The following MUCL1 variants were observed in gnomAD, a reference collection of about 807,000 sequenced individuals.
MUCL1 encodes the protein mucin like 1, also known as mucin-like protein 1.
Under a neutral mutation model 9.2 loss-of-function variants are expected in MUCL1, and 11 were observed. The ratio of observed to expected loss-of-function variants is 1.19; its 90% CI spans 0.75 to 1.97. The LOEUF (loss-of-function observed/expected upper bound fraction) is 1.97, where lower values mean the gene tolerates loss of function less well. Among genes scored for constraint, MUCL1 ranks in the 30% most tolerant of loss-of-function variants. MUCL1 has a pLI of 0.00. For missense variants in MUCL1, 144 were observed against 110.9 expected (o/e 1.30, Z -1.34); for synonymous variants, 48 against 40.5 (o/e 1.19, Z -0.71).
chr12:54,845,580 T>C (rs896219409), intron 1 of MUCL1, among the ~76,000 whole-genome samples: 1 of 152,190 alleles, frequency 6.6e-6, no homozygotes, highest in Admixed American at 6.5e-5. Context: ...GGTTGACTTT[T>C]TTGTTCCAGC....
chr12:54,851,468 C>A (rs982231223), upstream of MUCL1, among the ~76,000 whole-genome samples: 1 of 152,124 alleles, frequency 6.6e-6, no homozygotes, highest in African/African-American at 2.4e-5. Flanking sequence ...ACCCTTCGTG[C>A]TAAAAACTCT....
chr12:54,834,004 T>C (rs1482630718), intron 1 of MUCL1, among the ~76,000 whole-genome samples: 1 of 152,140 alleles, frequency 6.6e-6, no homozygotes, highest in Non-Finnish European at 1.5e-5. Flanking sequence ...CGTTTGTTAA[T>C]TACATGCATT....
At chr12:54,849,153 TG>T (rs1015201276) in intron 1 of MUCL1, among the ~76,000 whole-genome samples, 6 of 152,174 alleles carry the variant, frequency 3.9e-5, no homozygotes, top group Non-Finnish European at 7.4e-5. Context: ...AAGGCCATTT[TG>T]TACAGCATTT....
In MUCL1 at chr12:54,858,340, C is replaced by G; in HGVS notation, c.*98C>G. 2 of 1,367,598 alleles carry G rather than the reference C, an allele frequency of 1.5e-6. No homozygotes were observed. The highest frequency in any genetic ancestry group is 4.6e-5 in the East Asian group (2 of 43,562). 84.7% of individuals were successfully genotyped at this position (1,367,598 alleles called of 1,614,324 possible). On this transcript the variant is annotated 3_prime_UTR_variant, in exon 4 of 4. Coordinates refer to ENST00000308796, the MANE Select transcript of MUCL1 (RefSeq NM_058173.3). ...ACCTTGCCTACGATATCCCCTTTAT[C>G]TCTAATCAGTTTATTTTCTTTCAAA... is the stretch of plus-strand genomic sequence containing the variant.
At chr12:54,841,659 C>G (rs544168714) in intron 1 of MUCL1, among the ~76,000 whole-genome samples, 153 of 152,270 alleles carry the variant, frequency 1.0e-3, no homozygotes, top group African/African-American at 3.6e-3. Flanking sequence ...AATGTCTATT[C>G]AGATTCTTTG....
At chr12:54,845,525 T>A (rs747383156) in intron 1 of MUCL1, among the ~76,000 whole-genome samples, 1 of 152,258 alleles carries the variant, frequency 6.6e-6, no homozygotes, top group South Asian at 2.1e-4. Context: ...CTTCACTTCA[T>A]AATTTGGTCC....
upstream of MUCL1, chr12:54,839,261 C>T (rs67598707): frequency 0.044 from 28,924 of 658,928 alleles, 812 homozygotes; most frequent in Middle Eastern, 0.1. Flanking sequence ...GTACAATATG[C>T]TTGGTGTGTG....
Position 54,855,914 on chromosome 12 carries a change from T to C in MUCL1, c.100+757T>C, listed in dbSNP as rs144087816. Among the ~76,000 whole-genome samples the C allele has an allele frequency of 1.4e-4, 22 of 152,306 alleles. No individual in the cohort carries two copies. In the East Asian group the frequency reaches 4.2e-3, roughly 29 times the overall value. ...GGCCCCATTTAAAAAATATTTTCTCTCTTAAATAAAGCCTGAGACAGCATG... is the reference window on the plus strand; with the variant it reads ...GGCCCCATTTAAAAAATATTTTCTCCCTTAAATAAAGCCTGAGACAGCATG... On this transcript the variant is annotated intron_variant, in intron 2 of 3. Coordinates refer to ENST00000308796, the MANE Select transcript of MUCL1 (RefSeq NM_058173.3).
chr12:54,852,432 G>T (rs757621641), upstream of MUCL1, among the ~76,000 whole-genome samples: 2 of 152,178 alleles, frequency 1.3e-5, no homozygotes, highest in South Asian at 2.1e-4. Context: ...AATAAATGGT[G>T]CTGGGAAATC....
upstream of MUCL1, chr12:54,839,324 G>A (rs1476723189): frequency 2.1e-5 from 15 of 698,580 alleles, no homozygotes; most frequent in Admixed American, 2.8e-4. Flanking sequence ...TCATTCTCCA[G>A]TGGCACACAC....
Position 54,856,824 on chromosome 12 carries a change from C to A in MUCL1, c.155C>A (p.Thr52Asn), listed in dbSNP as rs1868303570. The change falls in exon 3 of 4, where the codon ACT (threonine) becomes AAT (asparagine). Residue 52 changes from threonine to asparagine, a missense_variant. Thr to Asn is a moderately conservative substitution (Grantham distance 65). Coordinates refer to ENST00000308796, the MANE Select transcript of MUCL1 (RefSeq NM_058173.3). The part of the protein sequence containing the change: ...PDAETTAAAT[T>N]ATTAAPTTAT... ...GCTGAAACCACTGCTGCTGCAACCA[C>A]TGCAACCACTGCTGCTCCTACCACT... is the stretch of plus-strand genomic sequence containing the variant. The A allele has an allele frequency of 6.2e-7, 1 of 1,612,050 alleles. No individual in the cohort carries two copies. The highest frequency in any genetic ancestry group is 8.5e-7 in the Non-Finnish European group (1 of 1,178,576).
intron 1 of MUCL1, among the ~76,000 whole-genome samples, chr12:54,848,053 C>T (rs1318562021): frequency 7.0e-6 from 1 of 143,464 alleles, no homozygotes; most frequent in Non-Finnish European, 1.5e-5. Context: ...TTAATAAATG[C>T]AGTATCTGAA....
upstream of MUCL1, among the ~76,000 whole-genome samples, chr12:54,838,105 A>C (rs1362253803): frequency 6.6e-6 from 1 of 152,146 alleles, no homozygotes; most frequent in Non-Finnish European, 1.5e-5. Context: ...TCCTTTTAGC[A>C]TTTCTTGTAG....
At chr12:54,849,320 A>G (rs894382408) in intron 1 of MUCL1, among the ~76,000 whole-genome samples, 1 of 152,158 alleles carries the variant, frequency 6.6e-6, no homozygotes, top group Non-Finnish European at 1.5e-5. Context: ...GTAGGAATAA[A>G]TAACTACATA....
At chr12:54,847,319 C>T (rs1959270990) in intron 1 of MUCL1, among the ~76,000 whole-genome samples, 1 of 152,138 alleles carries the variant, frequency 6.6e-6, no homozygotes. Context: ...AACTGACAAG[C>T]AAAGAGCAAA....
intron 1 of MUCL1, among the ~76,000 whole-genome samples, chr12:54,840,770 C>T (rs934167612): frequency 6.6e-6 from 1 of 152,142 alleles, no homozygotes; most frequent in South Asian, 2.1e-4. Context: ...GCTGCCTCTG[C>T]CACACAAAAG....
At position 54,856,791 on chromosome 12, in the gene MUCL1, C is replaced by G. The variant is rs1396771585; in HGVS notation, c.122C>G (p.Ala41Gly). ...TCAGCTGGTCCTGCTGATGATGAAG[C>G]CCCTGATGCTGAAACCACTGCTGCT... ...YPATGPADDE[A>G]PDAETTAAAT... Residue 41 changes from alanine (A) to glycine (G), a missense_variant, in exon 3 of 4, where the codon GCC (alanine) becomes GGC (glycine). Physicochemically the swap from Ala to Gly is moderately conservative, Grantham distance 60. Transcript: ENST00000308796. The G allele has an allele frequency of 1.5e-5, 24 of 1,612,898 alleles. No individual in the cohort carries two copies. Among genetic ancestry groups the G allele is most frequent in the Admixed American group, 1.0e-4 (6 of 59,768 alleles).
chr12:54,853,843 TG>T (rs1868276365), upstream of MUCL1, among the ~76,000 whole-genome samples: 1 of 152,246 alleles, frequency 6.6e-6, no homozygotes, highest in African/African-American at 2.4e-5. Context: ...GCTCAATGAA[TG>T]TTTTTTGAAT....
chr12:54,838,523 T>A (rs957131932), upstream of MUCL1, among the ~76,000 whole-genome samples: 2 of 152,242 alleles, frequency 1.3e-5, no homozygotes, highest in Non-Finnish European at 2.9e-5. Context: ...CAAATAAGTT[T>A]TTGAAACTTT....
Sources: allele counts gnomAD v4.1 joint callset (sites outside exome capture counted in the v4.1 genomes callset), GRCh38; gene constraint gnomAD v4.1.1; transcripts MANE v1.5; gene names NCBI Gene and HGNC (gene_info 2026-07-23, HGNC 2026-07-21).